The following OSR1 variants were observed in gnomAD, a reference collection of about 807,000 sequenced individuals.
OSR1 encodes the protein protein odd-skipped-related 1.
In OSR1, 3 loss-of-function variants were observed where a neutral mutation model predicts 15.7. That is an observed-to-expected ratio of 0.19 (90% CI 0.09 to 0.50). The LOEUF (loss-of-function observed/expected upper bound fraction) is 0.50, where lower values mean the gene tolerates loss of function less well. Among genes scored for constraint, OSR1 ranks in the 20% least tolerant of loss-of-function variants. OSR1 has a pLI of 0.97. For missense variants in OSR1, 271 were observed against 351.1 expected (o/e 0.77, Z 1.82); for synonymous variants, 166 against 152.7 (o/e 1.09, Z -0.64).
intron 1 of OSR1, chr2:19,356,715 AAGGGGACCCGACCACGCACAGC>A (rs1385601469): frequency 6.6e-6 from 1 of 152,268 alleles, no homozygotes; most frequent in Non-Finnish European, 1.5e-5. Context: ...GGGAAAGAAT[AAGGGGACCCGACCACGCACAGC>A]AGACGCAATT....
downstream of OSR1, among the ~76,000 whole-genome samples, chr2:19,346,971 G>C (rs1664743362): frequency 6.6e-6 from 1 of 152,152 alleles, no homozygotes; most frequent in African/African-American, 2.4e-5. Context: ...CTGACATAGG[G>C]CCATGACACA....
the OSR1 span, among the ~76,000 whole-genome samples, chr2:19,345,377 C>T: frequency 1.3e-5 from 2 of 151,812 alleles, no homozygotes; most frequent in African/African-American, 2.4e-5. Context: ...AAGTCCTTGC[C>T]CATGCCTATG....
downstream of OSR1, among the ~76,000 whole-genome samples, chr2:19,348,187 ACT>A (rs1664772138): frequency 1.3e-5 from 2 of 151,894 alleles, no homozygotes; most frequent in African/African-American, 4.8e-5. Flanking sequence ...ACTCTAAACC[ACT>A]GATTCAAGAA....
chr2:19,345,228 G>A, the OSR1 span, among the ~76,000 whole-genome samples: 13 of 152,196 alleles, frequency 8.5e-5, 1 homozygote, highest in South Asian at 6.2e-4. Flanking sequence ...AGTAGGTTGC[G>A]AAAATTTTCT....
chr2:19,353,494 A>G lies in OSR1; in HGVS notation c.312T>C (p.Ala104=). Residue 104 remains alanine (A), a synonymous_variant, in exon 2 of 3, where the codon GCT becomes GCC. Transcript: ENST00000272223. ...TCTTGAGCGCTGGAACGCTGCCTCCAGCGGTGATCTCGGGCTTGGGTTGAA... is the reference window on the plus strand; with the variant it reads ...TCTTGAGCGCTGGAACGCTGCCTCCGGCGGTGATCTCGGGCTTGGGTTGAA... ...HVIQPKPEIT[A]GGSVPALKTK... 1 of 1,614,192 alleles carries G rather than the reference A, an allele frequency of 6.2e-7. No individual in the cohort carries two copies. Among genetic ancestry groups the G allele is most frequent in the Non-Finnish European group, 8.5e-7 (1 of 1,180,022 alleles).
chr2:19,345,325 A>G, the OSR1 span, among the ~76,000 whole-genome samples: 1 of 151,894 alleles, frequency 6.6e-6, no homozygotes, highest in Non-Finnish European at 1.5e-5. Flanking sequence ...CCATTTGTCA[A>G]TTTTGGCTTT....
At position 19,353,766 on chromosome 2, in the gene OSR1, G is replaced by A; in HGVS notation, c.40C>T (p.Pro14Ser). 6.2e-7 allele frequency: 1 copy of A among 1,613,392 alleles called. No individual in the cohort carries two copies. The highest frequency in any genetic ancestry group is 8.5e-7 in the Non-Finnish European group (1 of 1,179,504). ...KTLPAPVPIH[P>S]SLQLTNYSFL... ...GAGTAGTTGGTGAGCTGCAGGGAAG[G>A]GTGGATAGGCACCGGCGCCGGCAAG... The change falls in exon 2 of 3, where the codon CCT (proline) becomes TCT (serine). Residue 14 changes from proline (P) to serine (S), a missense_variant. Pro to Ser is a moderately conservative substitution (Grantham distance 74). Transcript: ENST00000272223.
In OSR1 at chr2:19,357,391, C is replaced by T. The variant is rs774441045; in HGVS notation, c.-33+950G>A. Among the ~76,000 whole-genome samples the T allele has an allele frequency of 7.4e-4, 112 of 152,322 alleles. No homozygotes were observed. Among genetic ancestry groups the T allele is most frequent in the Middle Eastern group, 3.4e-3 (1 of 294 alleles). On this transcript the variant is annotated intron_variant, in intron 1 of 2. Coordinates refer to ENST00000272223, the MANE Select transcript of OSR1 (RefSeq NM_145260.3). This position sits in a 1 kb window ranked among gnomAD's most constrained non-coding sequence, Gnocchi z 5.0. Reference sequence around the variant, plus strand: ...AAGAAACCCTTGCGGCTACTTTACACATTGAGAACCCAACCCGCTACTGCC... The same window carrying T: ...AAGAAACCCTTGCGGCTACTTTACATATTGAGAACCCAACCCGCTACTGCC...
In OSR1 at chr2:19,357,369, A is replaced by T. The variant is rs1664971524; in HGVS notation, c.-33+972T>A. Among the ~76,000 whole-genome samples, 1 of 152,210 alleles carries T rather than the reference A, an allele frequency of 6.6e-6. No homozygotes were observed. The highest frequency in any genetic ancestry group is 1.5e-5 in the Non-Finnish European group (1 of 68,044). On this transcript the variant is annotated intron_variant, in intron 1 of 2. Transcript: ENST00000272223. The surrounding 1 kb of genome is among the most constrained non-coding windows in gnomAD (Gnocchi z 5.0). ...AATTTACCAAATTGTGGCAACAAAG[A>T]AACCCTTGCGGCTACTTTACACATT... is the stretch of plus-strand genomic sequence containing the variant.
downstream of OSR1, among the ~76,000 whole-genome samples, chr2:19,348,046 C>CTGCGCGTGGCGCT (rs1431321410): frequency 1.3e-4 from 20 of 152,394 alleles, no homozygotes; most frequent in Middle Eastern, 0.02. Flanking sequence ...CCTTTTGCGC[C>CTGCGCGTGGCGCT]TGCGCGTGGC....
At chr2:19,356,066 C>G (rs1014356478) in intron 1 of OSR1, 1 of 152,696 alleles carries the variant, frequency 6.5e-6, no homozygotes, top group Admixed American at 6.5e-5. Flanking sequence ...GGAGGCCTCC[C>G]CCTGCTCCTC....
chr2:19,351,165 T>C (rs1664831252), downstream of OSR1, among the ~76,000 whole-genome samples: 1 of 152,150 alleles, frequency 6.6e-6, no homozygotes, highest in Non-Finnish European at 1.5e-5. Flanking sequence ...ACCCAGAGAC[T>C]CTGGGATTTC....
chr2:19,354,294 C>T (rs1664905690), intron 1 of OSR1: 1 of 157,616 alleles, frequency 6.3e-6, no homozygotes, highest in South Asian at 1.9e-4. Context: ...TGGATTCAGA[C>T]ATTCTGAGGC....
chr2:19,354,777 C>T (rs1052456736), intron 1 of OSR1: 3 of 152,218 alleles, frequency 2.0e-5, no homozygotes, highest in African/African-American at 7.2e-5. Flanking sequence ...TGTTAGTGCC[C>T]TCACTCCCCC....
downstream of OSR1, among the ~76,000 whole-genome samples, chr2:19,349,641 T>G (rs142997572): frequency 2.5e-3 from 385 of 152,262 alleles, 10 homozygotes; most frequent in Admixed American, 4.5e-3. Context: ...ATTTGTAGCT[T>G]CCTGAGGCCC....
At position 19,352,426 on chromosome 2, in the gene OSR1, G is replaced by C; in HGVS notation, c.666-16C>G. The C allele has an allele frequency of 6.2e-7, 1 of 1,613,766 alleles. No individual in the cohort carries two copies. The highest frequency in any genetic ancestry group is 8.5e-7 in the Non-Finnish European group (1 of 1,179,786). On this transcript the variant is annotated splice_polypyrimidine_tract_variant and intron_variant, in intron 2 of 2. Transcript: ENST00000272223. Reference sequence around the variant, plus strand: ...GTGAATATATCTGAGGGCAGAAACAGAGAGTTCATCCTTGCAAAATGATGC... The same window carrying C: ...GTGAATATATCTGAGGGCAGAAACACAGAGTTCATCCTTGCAAAATGATGC...
chr2:19,347,371 A>AC (rs1441097696), downstream of OSR1, among the ~76,000 whole-genome samples: 2 of 152,200 alleles, frequency 1.3e-5, no homozygotes, highest in African/African-American at 4.8e-5. Flanking sequence ...GAAAAGCCCT[A>AC]CCCCCATTAT....
In OSR1 at chr2:19,352,270, T is replaced by C; in HGVS notation, c.*5A>G. 6.2e-7 allele frequency: 1 copy of C among 1,614,098 alleles called. No individual in the cohort carries two copies. Among genetic ancestry groups the C allele is most frequent in the Non-Finnish European group, 8.5e-7 (1 of 1,179,964 alleles). On this transcript the variant is annotated 3_prime_UTR_variant, in exon 3 of 3. Transcript: ENST00000272223. Reference sequence around the variant, plus strand: ...CCTAGGGTCCTTGTGACCCACAGGTTCTATTTAGCATTTGATCTTGGAGGT... The same window carrying C: ...CCTAGGGTCCTTGTGACCCACAGGTCCTATTTAGCATTTGATCTTGGAGGT...
intron 1 of OSR1, chr2:19,354,735 C>G (rs1427771579): frequency 1.3e-5 from 2 of 152,260 alleles, no homozygotes; most frequent in Non-Finnish European, 2.9e-5. Flanking sequence ...TTCATTTACT[C>G]TGTCAAACAA....
Sources: gnomAD v4.1 joint callset for allele counts (sites outside exome capture counted in the v4.1 genomes callset) on GRCh38, gnomAD v4.1.1 for gene constraint, Gnocchi (gnomAD v3.1) non-coding constraint, MANE v1.5 for transcripts, NCBI Gene and HGNC (gene_info 2026-07-23, HGNC 2026-07-21) for gene names.